Variants in RPTOR observed in about 807,000 individuals in gnomAD.
RPTOR encodes regulatory associated protein of MTOR complex 1, also known as regulatory-associated protein of mTOR.
Under a neutral mutation model 169.9 loss-of-function variants are expected in RPTOR, and 21 were observed. The observed-to-expected ratio is 0.12, with a 90% CI of 0.09 to 0.18. The LOEUF (loss-of-function observed/expected upper bound fraction) is 0.18, where lower values mean the gene tolerates loss of function less well. Among genes scored for constraint, RPTOR ranks in the 10% least tolerant of loss-of-function variants. RPTOR has a pLI of 1.00. For synonymous variants in RPTOR, 732 were observed against 753.2 expected (o/e 0.97, Z 0.46); for missense variants, 1,133 against 1,855.9 (o/e 0.61, Z 7.16).
chr17:80,656,314 C>T (rs917779200), intron 3 of RPTOR, among the ~76,000 whole-genome samples: 6 of 152,282 alleles, frequency 3.9e-5, no homozygotes, highest in East Asian at 1.9e-4. Flanking sequence ...GTGAGCCACC[C>T]GCCTTGGCCT....
intron 26 of RPTOR, among the ~76,000 whole-genome samples, chr17:80,946,754 C>T (rs117411664): frequency 6.6e-6 from 1 of 152,356 alleles, no homozygotes; most frequent in East Asian, 1.9e-4. Context: ...CACCTTTTGT[C>T]TATTGTGAAT....
Position 80,940,510 on chromosome 17 carries a change from C to T in RPTOR, c.2934C>T (p.His978=), listed in dbSNP as rs367842679. ...AQPVMKIPEE[H]DLESQIRKER... is the part of the protein sequence containing the mutation. Reference sequence around the variant, plus strand: ...TGTTGTTGAAGATCCCAGAAGAGCACGACCTGGAGAGTCAGATCCGCAAGG... The same window carrying T: ...TGTTGTTGAAGATCCCAGAAGAGCATGACCTGGAGAGTCAGATCCGCAAGG... Residue 978 remains histidine (H), a synonymous_variant, in exon 25 of 34, where the codon CAC becomes CAT. Coordinates refer to ENST00000306801, the MANE Select transcript of RPTOR (RefSeq NM_020761.3). 4 of 1,613,526 alleles carry T rather than the reference C, an allele frequency of 2.5e-6. No homozygotes were observed. The highest frequency in any genetic ancestry group is 1.1e-5 in the South Asian group (1 of 90,960).
intron 1 of RPTOR, among the ~76,000 whole-genome samples, chr17:80,595,495 G>A (rs1474330075): frequency 9.2e-5 from 14 of 152,082 alleles, no homozygotes; most frequent in African/African-American, 2.4e-4. Context: ...TCGCTCATTC[G>A]CCCAGGCTAG....
chr17:80,741,607 G>A (rs2066482455), intron 5 of RPTOR, among the ~76,000 whole-genome samples: 1 of 152,232 alleles, frequency 6.6e-6, no homozygotes, highest in South Asian at 2.1e-4. Context: ...AATGTGGGGT[G>A]TGGGGTCCTA....
chr17:80,739,678 A>T (rs1489451072), intron 5 of RPTOR, among the ~76,000 whole-genome samples: 3 of 152,224 alleles, frequency 2.0e-5, no homozygotes, highest in African/African-American at 7.2e-5. Flanking sequence ...ACTGTGAAAA[A>T]AATTAAACAA....
chr17:80,582,541 CTTTTTTT>C (rs5822359), intron 1 of RPTOR, among the ~76,000 whole-genome samples: 2 of 86,864 alleles, frequency 2.3e-5, no homozygotes, highest in African/African-American at 4.7e-5. Context: ...GACAAATGGG[CTTTTTTT>C]TTTTTTTTTT....
intron 33 of RPTOR, 119 bp downstream of exon 33, chr17:80,963,176 G>T: frequency 4.0e-6 from 4 of 1,004,780 alleles, no homozygotes; most frequent in Non-Finnish European, 5.9e-6. Flanking sequence ...GGGCCCATTG[G>T]CTGCCTGAGG....
At chr17:80,808,347 T>C (rs2067240006) in intron 7 of RPTOR, among the ~76,000 whole-genome samples, 1 of 152,042 alleles carries the variant, frequency 6.6e-6, no homozygotes, top group African/African-American at 2.4e-5. Flanking sequence ...ATCACTTGAG[T>C]CCCAGTGGTT....
intron 17 of RPTOR, 117 bp downstream of exon 17, chr17:80,885,265 C>T: frequency 8.6e-7 from 1 of 1,163,670 alleles, no homozygotes; most frequent in East Asian, 2.6e-5. Context: ...CACTGCGTGT[C>T]ATTGCGAGAG....
intron 28 of RPTOR, among the ~76,000 whole-genome samples, chr17:80,955,636 G>A (rs1027410253): frequency 3.3e-5 from 5 of 152,126 alleles, no homozygotes; most frequent in Admixed American, 6.5e-5. Flanking sequence ...CAGTATCTAC[G>A]AGTTACAGAA....
At chr17:80,611,876 T>C (rs892653563) in intron 1 of RPTOR, among the ~76,000 whole-genome samples, 2 of 152,146 alleles carry the variant, frequency 1.3e-5, no homozygotes, top group African/African-American at 4.8e-5. Flanking sequence ...AGGGTCCTGC[T>C]GCTTGTGTTG....
chr17:80,860,328 C>G lies in RPTOR; in HGVS notation c.1509+2428C>G, dbSNP rs1441155301. 6.6e-6 allele frequency among the ~76,000 whole-genome samples: 1 copy of G among 152,234 alleles called. No individual in the cohort carries two copies. The highest frequency in any genetic ancestry group is 2.4e-5 in the African/African-American group (1 of 41,466). The stretch of plus-strand genomic sequence containing the variant: ...AGGCACTGGCAGGCACCCCGAGCCA[C>G]AGGCTCGTACCCCGCACTGTGCGCT... On this transcript the variant is annotated intron_variant, in intron 13 of 33. Transcript: ENST00000306801. This position sits in a 1 kb window ranked among gnomAD's most constrained non-coding sequence, Gnocchi z 5.8.
At position 80,961,486 on chromosome 17, in the gene RPTOR, GAGCGCCGATATTTAGC is replaced by G. The variant is rs1307988131; in HGVS notation, c.3692+10_3692+25del. ...GGCCACATCGTGAGTGTGAGGTGAG[GAGCGCCGATATTTAGC>G]AGCCGTTCTGCTGTAAAAACATTAT... On this transcript the variant is annotated splice_region_variant and intron_variant, in intron 31 of 33. Transcript: ENST00000306801. 1.4e-5 allele frequency: 22 copies of G among 1,549,092 alleles called. No homozygotes were observed. The East Asian group carries it at 2.4e-4, about 17-fold the overall frequency.
intron 4 of RPTOR, among the ~76,000 whole-genome samples, chr17:80,717,970 T>C (rs2066254015): frequency 6.6e-6 from 1 of 152,218 alleles, no homozygotes; most frequent in Admixed American, 6.5e-5. Flanking sequence ...CCAATTAGCT[T>C]TTAGACCCTG....
In RPTOR at chr17:80,849,665, C is replaced by T. The variant is rs529229110; in HGVS notation, c.1314+3091C>T. Among the ~76,000 whole-genome samples, 12 of 152,228 alleles carry T rather than the reference C, an allele frequency of 7.9e-5. No homozygotes were observed. The South Asian group carries it at 2.3e-3, about 29-fold the overall frequency. On this transcript the variant is annotated intron_variant, in intron 11 of 33. Coordinates refer to ENST00000306801, the MANE Select transcript of RPTOR (RefSeq NM_020761.3). ...TCCCAAGTAGCTGGGATTACAGGCA[C>T]CCGCCACCATGCCCGGCTAATTTTT...
chr17:80,770,717 T>A (rs2066834235), intron 6 of RPTOR, among the ~76,000 whole-genome samples: 1 of 152,232 alleles, frequency 6.6e-6, no homozygotes, highest in South Asian at 2.1e-4. Context: ...CTGCAATTCC[T>A]ACTTACCCGC....
At chr17:80,782,774 T>G (rs1477107826) in intron 6 of RPTOR, among the ~76,000 whole-genome samples, 2 of 152,236 alleles carry the variant, frequency 1.3e-5, no homozygotes, top group Non-Finnish European at 2.9e-5. Flanking sequence ...CCTGACAGCT[T>G]GGCTTCCTTC....
chr17:80,666,660 T>G (rs907781009), intron 3 of RPTOR, among the ~76,000 whole-genome samples: 1 of 152,196 alleles, frequency 6.6e-6, no homozygotes, highest in African/African-American at 2.4e-5. Context: ...CATTCATTCA[T>G]TCAGCAAATG....
At position 80,940,575 on chromosome 17, in the gene RPTOR, G is replaced by C; in HGVS notation, c.2999G>C (p.Arg1000Thr). The C allele has an allele frequency of 6.2e-7, 1 of 1,612,406 alleles. No homozygotes were observed. ...TTCCTGCGAAACAGCCGTGTCAGGA[G>C]GCAGGCCCAGCAAGTCATTCAGAAG... ...WRFLRNSRVR[R>T]QAQQVIQKGI... The change falls in exon 25 of 34, where the codon AGG becomes ACG. Residue 1000 changes from arginine (R) to threonine (T), a missense_variant. Physicochemically the swap from Arg to Thr is moderately conservative, Grantham distance 71 (BLOSUM62 -1). Around this residue, in one of 9 missense-constraint regions of RPTOR, gnomAD observed 410 missense variants for 623.7 expected, o/e 0.66. Transcript: ENST00000306801.
Sources: gnomAD v4.1 joint callset for allele counts (sites outside exome capture counted in the v4.1 genomes callset) on GRCh38, gnomAD v4.1.1 for gene constraint, gnomAD v4.1.1 regional missense constraint, Gnocchi (gnomAD v3.1) non-coding constraint, MANE v1.5 for transcripts, NCBI Gene and HGNC (gene_info 2026-07-23, HGNC 2026-07-21) for gene names.